The following OTUD7A variants were observed in gnomAD, a reference collection of about 807,000 sequenced individuals.
OTUD7A encodes OTU domain-containing protein 7A.
OTUD7A carries 12 observed loss-of-function variants against 65.7 expected under a neutral mutation model. The observed-to-expected ratio is 0.18, with a 90% CI of 0.12 to 0.30. The LOEUF (loss-of-function observed/expected upper bound fraction) is 0.30. OTUD7A is among the 10% of genes least tolerant of loss of function. The pLI, the probability that OTUD7A is intolerant of heterozygous loss-of-function variation, is 1.00. For missense variants in OTUD7A, 1,148 were observed against 1,304.8 expected (o/e 0.88, Z 1.85); for synonymous variants, 641 against 586.3 (o/e 1.09, Z -1.35).
intron 10 of OTUD7A, among the ~76,000 whole-genome samples, chr15:31,491,077 G>C (rs550665917): frequency 2.6e-5 from 4 of 151,924 alleles, no homozygotes; most frequent in African/African-American, 9.7e-5. Context: ...TCCTACTCAA[G>C]ATGCCTGGCT....
At chr15:31,846,855 T>A (rs569453519) in intron 1 of OTUD7A, among the ~76,000 whole-genome samples, 3 of 152,362 alleles carry the variant, frequency 2.0e-5, no homozygotes, top group African/African-American at 7.2e-5. Flanking sequence ...GGTATTTTTC[T>A]AAAGAGTACT....
rs140935817 is a variant in OTUD7A, at chr15:31,634,991, C to T, written c.151+20105G>A. Among the ~76,000 whole-genome samples the T allele has an allele frequency of 1.8e-3, 274 of 152,328 alleles. 1 individual carries two copies. The highest frequency in any genetic ancestry group is 3.4e-3 in the Non-Finnish European group (233 of 68,036). On this transcript the variant is annotated intron_variant, in intron 3 of 12. Coordinates refer to ENST00000307050, the MANE Select transcript of OTUD7A (RefSeq NM_001382637.1). ...CCATTCCCAGTCTTACTGGATGTGA[C>T]AGGAAGGAAATCAGCTCTAACTTCA...
intron 3 of OTUD7A, among the ~76,000 whole-genome samples, chr15:31,586,468 C>T (rs1889541203): frequency 2.0e-5 from 3 of 152,152 alleles, no homozygotes; most frequent in Admixed American, 2.0e-4. Context: ...GGGTGGGAGT[C>T]AGAAGAGCGG....
chr15:31,571,304 C>T (rs1889047202), intron 3 of OTUD7A, among the ~76,000 whole-genome samples: 1 of 152,150 alleles, frequency 6.6e-6, no homozygotes, highest in Non-Finnish European at 1.5e-5. Context: ...TCATCTTTTC[C>T]ATTTTAAGTT....
chr15:31,769,297 T>C (rs1895170194), intron 1 of OTUD7A, among the ~76,000 whole-genome samples: 1 of 152,138 alleles, frequency 6.6e-6, no homozygotes, highest in Admixed American at 6.5e-5. Flanking sequence ...TATGTAATGA[T>C]AAAAGGTTCA....
rs562523904 is a variant in OTUD7A, at chr15:31,526,258, T to C, written c.893+91A>G. 8.8e-6 allele frequency: 11 copies of C among 1,253,454 alleles called. 1 individual carries two copies. The African/African-American group carries it at 1.2e-4, about 14-fold the overall frequency. 77.6% of individuals were successfully genotyped at this position (1,253,454 alleles called of 1,614,324 possible). On this transcript the variant is annotated intron_variant, in intron 8 of 12. Transcript: ENST00000307050. ...TCTTCCACAGCACAAGAGTCCCACA[T>C]TCCCCCCCGTGCCATCCCCCCATGC...
At chr15:31,529,702 G>T (rs191490484) in intron 6 of OTUD7A, among the ~76,000 whole-genome samples, 7 of 152,282 alleles carry the variant, frequency 4.6e-5, no homozygotes, top group Admixed American at 3.3e-4. Flanking sequence ...GCCCTTTACA[G>T]TCTTATCTCA....
intron 5 of OTUD7A, among the ~76,000 whole-genome samples, chr15:31,549,661 T>C (rs1292136858): frequency 6.6e-6 from 1 of 151,990 alleles, no homozygotes; most frequent in Non-Finnish European, 1.5e-5. Flanking sequence ...AAAGGGCAGA[T>C]GGTAGAATAT....
intron 1 of OTUD7A, among the ~76,000 whole-genome samples, chr15:31,810,158 A>C (rs1253068083): frequency 6.6e-6 from 1 of 152,116 alleles, no homozygotes; most frequent in East Asian, 1.9e-4. Context: ...GTTCCTCCAC[A>C]CAGCAGCCCA....
Position 31,632,620 on chromosome 15 carries a change from T to A in OTUD7A, c.151+22476A>T, listed in dbSNP as rs569354719. 2.0e-3 allele frequency among the ~76,000 whole-genome samples: 308 copies of A among 152,348 alleles called. 1 individual carries two copies. Among genetic ancestry groups the A allele is most frequent in the African/African-American group, 7.1e-3 (294 of 41,586 alleles). ...GCCCGTTCTCAGATCTCCAGCTGTG[T>A]GCTGGGAGAACCACTACTCTCTTCA... On this transcript the variant is annotated intron_variant, in intron 3 of 12. Transcript: ENST00000307050.
At chr15:31,660,526 A>C (rs911000819) in intron 1 of OTUD7A, among the ~76,000 whole-genome samples, 3 of 152,228 alleles carry the variant, frequency 2.0e-5, no homozygotes, top group African/African-American at 4.8e-5. Context: ...AGAGCACATT[A>C]TCATTTCCAA....
intron 3 of OTUD7A, among the ~76,000 whole-genome samples, chr15:31,583,833 C>T (rs1445619687): frequency 6.6e-6 from 1 of 152,100 alleles, no homozygotes; most frequent in African/African-American, 2.4e-5. Context: ...CCTGCTGAAC[C>T]TCCCGTAGTT....
chr15:31,821,133 CTTTTTTTTTTTT>C (rs35732957), intron 1 of OTUD7A, among the ~76,000 whole-genome samples: 3 of 97,466 alleles, frequency 3.1e-5, no homozygotes, highest in Admixed American at 1.2e-4. Context: ...TTTTTCATTT[CTTTTTTTTTTTT>C]TTTTTTTTTG....
intron 9 of OTUD7A, 67 bp downstream of exon 9, chr15:31,503,624 C>G (rs2041508788): frequency 1.9e-6 from 3 of 1,602,652 alleles, no homozygotes; most frequent in Non-Finnish European, 2.6e-6. Flanking sequence ...GCTGTGCTAT[C>G]TGCTTTCTAG....
At chr15:31,491,265 C>T (rs555630759) in intron 10 of OTUD7A, among the ~76,000 whole-genome samples, 1 of 152,204 alleles carries the variant, frequency 6.6e-6, no homozygotes, top group Admixed American at 6.5e-5. Context: ...AATAGAAAAG[C>T]CAGATACCAT....
At chr15:31,779,619 T>G (rs1595763602) in intron 1 of OTUD7A, among the ~76,000 whole-genome samples, 1 of 152,208 alleles carries the variant, frequency 6.6e-6, no homozygotes, top group Non-Finnish European at 1.5e-5. Flanking sequence ...TCTCAGAGCC[T>G]GGGAAAGGAT....
intron 1 of OTUD7A, among the ~76,000 whole-genome samples, chr15:31,846,371 T>C (rs553381648): frequency 1.3e-5 from 2 of 152,228 alleles, no homozygotes; most frequent in Admixed American, 6.5e-5. Flanking sequence ...TATAAACTCT[T>C]TGGGTATGTT....
intron 1 of OTUD7A, among the ~76,000 whole-genome samples, chr15:31,772,954 T>C (rs1276555524): frequency 6.6e-5 from 10 of 152,202 alleles, no homozygotes; most frequent in Non-Finnish European, 1.0e-4. Flanking sequence ...ATGTTGAAAG[T>C]GGTGTTTTTC....
intron 1 of OTUD7A, among the ~76,000 whole-genome samples, chr15:31,759,639 T>C (rs543767952): frequency 2.0e-5 from 3 of 152,296 alleles, no homozygotes; most frequent in African/African-American, 7.2e-5. Context: ...GTTCAAGCAA[T>C]TCTCCTACCT....
Sources: gnomAD v4.1 joint callset for allele counts (sites outside exome capture counted in the v4.1 genomes callset) on GRCh38, gnomAD v4.1.1 for gene constraint, MANE v1.5 for transcripts, NCBI Gene and HGNC (gene_info 2026-07-23, HGNC 2026-07-21) for gene names.